The following LYST variants were observed in gnomAD, a reference collection of about 807,000 sequenced individuals.
The protein encoded by LYST is lysosomal-trafficking regulator.
Under a neutral mutation model 413.6 loss-of-function variants are expected in LYST, and 192 were observed. The ratio of observed to expected loss-of-function variants is 0.46; its 90% CI spans 0.41 to 0.52. The LOEUF (loss-of-function observed/expected upper bound fraction) is 0.52, where lower values mean the gene tolerates loss of function less well. Ranked by LOEUF, LYST falls within the 20% of genes least tolerant of loss-of-function variation. The pLI is 0.00. For synonymous variants in LYST, 1,525 were observed against 1,567.3 expected (o/e 0.97, Z 0.64); for missense variants, 3,815 against 4,499.9 (o/e 0.85, Z 4.35).
At chr1:235,824,566 G>A (rs991528484) in intron 3 of LYST, among the ~76,000 whole-genome samples, 2 of 152,118 alleles carry the variant, frequency 1.3e-5, no homozygotes, top group East Asian at 3.8e-4. Flanking sequence ...GATAGGCTGG[G>A]CATGGTGGTA....
chr1:235,704,033 TG>T (rs1661759751), intron 44 of LYST, among the ~76,000 whole-genome samples: 1 of 152,212 alleles, frequency 6.6e-6, no homozygotes, highest in Admixed American at 6.5e-5. Context: ...TGCATTAGTT[TG>T]CTAAGGGTAA....
intron 28 of LYST, among the ~76,000 whole-genome samples, chr1:235,747,816 C>T (rs1666073689): frequency 6.6e-6 from 1 of 152,194 alleles, no homozygotes; most frequent in African/African-American, 2.4e-5. Context: ...GCCTTAAGCA[C>T]ATTTCTTTCT....
At chr1:235,834,093 T>C (rs1676281019) in intron 1 of LYST, among the ~76,000 whole-genome samples, 1 of 152,202 alleles carries the variant, frequency 6.6e-6, no homozygotes, top group Admixed American at 6.5e-5. Flanking sequence ...TGAGGATACA[T>C]AAGAACTTAG....
intron 3 of LYST, 26 bp downstream of exon 3, chr1:235,830,200 G>A (rs774803662): frequency 2.0e-6 from 3 of 1,514,306 alleles, no homozygotes; most frequent in East Asian, 2.3e-5. Flanking sequence ...ATTGATGAAA[G>A]TAAGTATTTG....
intron 38 of LYST, among the ~76,000 whole-genome samples, chr1:235,724,696 T>C (rs12088832): frequency 0.037 from 5,644 of 152,250 alleles, 348 homozygotes; most frequent in African/African-American, 0.13. Flanking sequence ...CTCTCCCCAA[T>C]CTCTGGCAAC....
chr1:235,701,183 G>A (rs1023311288), intron 45 of LYST, among the ~76,000 whole-genome samples: 1 of 152,180 alleles, frequency 6.6e-6, no homozygotes, highest in Non-Finnish European at 1.5e-5. Flanking sequence ...GTTCTGAGGT[G>A]GGAATGAAGC....
Position 235,729,215 on chromosome 1 carries a change from T to C in LYST, c.9106+381A>G, listed in dbSNP as rs1039857561. Among the ~76,000 whole-genome samples, 104 of 152,200 alleles carry C rather than the reference T, an allele frequency of 6.8e-4. 1 individual carries two copies. The highest frequency in any genetic ancestry group is 2.4e-3 in the African/African-American group (100 of 41,454). ...GAAGCACAATAGAGAATATAAATTA[T>C]GGACAATCTTAAAATAGACATATTT... On this transcript the variant is annotated intron_variant, in intron 37 of 52. Transcript: ENST00000389793.
At chr1:235,703,532 T>G (rs1171857339) in intron 44 of LYST, among the ~76,000 whole-genome samples, 1 of 152,210 alleles carries the variant, frequency 6.6e-6, no homozygotes, top group Non-Finnish European at 1.5e-5. Context: ...TACTTATTTC[T>G]AAAGCTGGCG....
intron 43 of LYST, among the ~76,000 whole-genome samples, chr1:235,711,127 T>C (rs1401435941): frequency 6.6e-6 from 1 of 152,226 alleles, no homozygotes; most frequent in African/African-American, 2.4e-5. Context: ...AAATTTATTA[T>C]TGTTTCAAGC....
chr1:235,741,388 GT>G, intron 31 of LYST, 33 bp downstream of exon 31: 1 of 1,513,054 alleles, frequency 6.6e-7, no homozygotes, highest in Non-Finnish European at 9.2e-7. Context: ...TTCACCAAAC[GT>G]TTTACTTCTC....
intron 23 of LYST, 52 bp downstream of exon 23, chr1:235,758,920 T>C (rs1667300451): frequency 6.3e-7 from 1 of 1,580,016 alleles, no homozygotes; most frequent in Non-Finnish European, 8.7e-7. Context: ...TAGAGAGTCT[T>C]TAAAGAATAG....
rs1669076372 is a variant in LYST, at chr1:235,774,921, T to A, written c.5626A>T (p.Ile1876Phe). 6.2e-7 allele frequency: 1 copy of A among 1,606,272 alleles called. No homozygotes were observed. The highest frequency in any genetic ancestry group is 1.1e-5 in the South Asian group (1 of 90,864). Residue 1876 changes from isoleucine to phenylalanine, a missense_variant, in exon 18 of 53, where the codon ATT becomes TTT. This residue lies in a region of LYST where 530 missense variants were observed against 696.5 expected (regional missense o/e 0.76). Coordinates refer to ENST00000389793, the MANE Select transcript of LYST (RefSeq NM_000081.4). ...ATTTTATGAAGACATACCTTCAAAATGTAAAACCCAACAATGCATTTTTGT... is the reference window on the plus strand; with the variant it reads ...ATTTTATGAAGACATACCTTCAAAAAGTAAAACCCAACAATGCATTTTTGT... Reference protein sequence around the residue: ...IKQKCIVGFYILKTLLEGCCG... With the variant: ...IKQKCIVGFYFLKTLLEGCCG...
intron 20 of LYST, among the ~76,000 whole-genome samples, chr1:235,767,927 G>A (rs1174965592): frequency 6.6e-6 from 1 of 151,916 alleles, no homozygotes. Flanking sequence ...TTCCCCCTCT[G>A]CCGACCTCTG....
chr1:235,762,829 T>C lies in LYST; in HGVS notation c.6144A>G (p.Lys2048=), dbSNP rs767041109. The C allele has an allele frequency of 6.2e-7, 1 of 1,613,536 alleles. No homozygotes were observed. Among genetic ancestry groups the C allele is most frequent in the Non-Finnish European group, 8.5e-7 (1 of 1,179,622 alleles). The part of the protein sequence containing the change: ...LHIDGKIFQE[K]VRSIMYLRHS... ...GCCTCAGGTACATGATTGACCGCAC[T>C]TTCTCCTGAAAGATCTTGCCATCTA... The change falls in exon 22 of 53, where the codon AAA becomes AAG. Residue 2048 remains lysine (K), a synonymous_variant. Coordinates refer to ENST00000389793, the MANE Select transcript of LYST (RefSeq NM_000081.4).
chr1:235,720,976 C>A (rs1663309758), intron 39 of LYST, 71 bp from the exon 40 acceptor site: 2 of 1,463,182 alleles, frequency 1.4e-6, no homozygotes, highest in Non-Finnish European at 9.5e-7. Context: ...TCCAAAGAAC[C>A]CATGACATTA....
intron 41 of LYST, among the ~76,000 whole-genome samples, chr1:235,715,876 AAAAAG>A (rs1018104113): frequency 1.8e-4 from 27 of 150,984 alleles, no homozygotes; most frequent in African/African-American, 6.7e-4. Flanking sequence ...GATAAAAAAA[AAAAAG>A]AATATGGTGA....
chr1:235,821,674 G>A (rs760998361), intron 3 of LYST, among the ~76,000 whole-genome samples: 3 of 152,040 alleles, frequency 2.0e-5, no homozygotes, highest in Admixed American at 6.5e-5. Flanking sequence ...TTTTAGACTT[G>A]GTGAGTCATA....
intron 1 of LYST, among the ~76,000 whole-genome samples, chr1:235,875,969 C>T (rs1313603954): frequency 1.3e-5 from 2 of 152,122 alleles, no homozygotes; most frequent in Non-Finnish European, 2.9e-5. Context: ...CTTGTAATCC[C>T]AGCACTTTGG....
At chr1:235,845,394 G>A (rs1031762743) in intron 1 of LYST, among the ~76,000 whole-genome samples, 5 of 152,300 alleles carry the variant, frequency 3.3e-5, no homozygotes, top group African/African-American at 1.2e-4. Flanking sequence ...TCCATTGGGA[G>A]GGTGGCTAGA....
Sources: gnomAD v4.1 joint callset for allele counts (sites outside exome capture counted in the v4.1 genomes callset) on GRCh38, gnomAD v4.1.1 for gene constraint, gnomAD v4.1.1 regional missense constraint, MANE v1.5 for transcripts, NCBI Gene and HGNC (gene_info 2026-07-23, HGNC 2026-07-21) for gene names.